The following NOL4 variants were observed in gnomAD, a reference collection of about 807,000 sequenced individuals.
NOL4 encodes the protein cancer/testis antigen 125.
NOL4 carries 17 observed loss-of-function variants against 75.9 expected under a neutral mutation model. The observed-to-expected ratio is 0.22, with a 90% CI of 0.15 to 0.34. The LOEUF (loss-of-function observed/expected upper bound fraction) is 0.34, where lower values mean the gene tolerates loss of function less well. Ranked by LOEUF, NOL4 falls within the 10% of genes least tolerant of loss-of-function variation. The pLI is 1.00. For missense variants in NOL4, 614 were observed against 793.5 expected (o/e 0.77, Z 2.72); for synonymous variants, 292 against 289.9 (o/e 1.01, Z -0.07).
At chr18:34,111,739 C>T (rs1437371431) in intron 2 of NOL4, among the ~76,000 whole-genome samples, 4 of 152,036 alleles carry the variant, frequency 2.6e-5, no homozygotes, top group Middle Eastern at 3.4e-3. Flanking sequence ...GAAAAAATGT[C>T]GAACATCACT....
intron 4 of NOL4, among the ~76,000 whole-genome samples, chr18:34,100,389 C>T (rs2078992159): frequency 6.6e-6 from 1 of 152,112 alleles, no homozygotes; most frequent in South Asian, 2.1e-4. Flanking sequence ...CCCTTCATAG[C>T]AAACTCTTCA....
intron 1 of NOL4, among the ~76,000 whole-genome samples, chr18:34,169,734 A>T (rs1157766196): frequency 6.6e-6 from 1 of 152,160 alleles, no homozygotes; most frequent in Non-Finnish European, 1.5e-5. Context: ...ATTGTCATCC[A>T]TTGTATTAAC....
chr18:34,078,018 A>G (rs1359961760), intron 5 of NOL4, among the ~76,000 whole-genome samples: 1 of 152,302 alleles, frequency 6.6e-6, no homozygotes, highest in Middle Eastern at 3.4e-3. Context: ...TTAATTTTAG[A>G]AATTCACTTT....
rs74672549 is a variant in NOL4 at position 33,918,878 on chromosome 18, T to C, written c.1542+24187A>G. Among the ~76,000 whole-genome samples the C allele has an allele frequency of 2.3e-3, 343 of 152,222 alleles. 9 individuals are homozygous for C. In the East Asian group the frequency reaches 0.046, roughly 21 times the overall value. ...TTCAAGAGCATTCAAATGTAACATT[T>C]TGCAACAACGTTCAGGCCAAATAAA... On this transcript the variant is annotated intron_variant, in intron 9 of 10. Transcript: ENST00000261592.
At chr18:34,022,323 G>A (rs1362335342) in intron 5 of NOL4, among the ~76,000 whole-genome samples, 2 of 151,836 alleles carry the variant, frequency 1.3e-5, no homozygotes, top group Admixed American at 6.6e-5. Context: ...AGAAAGAATT[G>A]ATGTGGAAAG....
chr18:34,199,076 G>A (rs2035543601), intron 1 of NOL4, among the ~76,000 whole-genome samples: 1 of 151,658 alleles, frequency 6.6e-6, no homozygotes, highest in Admixed American at 6.6e-5. Flanking sequence ...ACATAAGTGA[G>A]GGACTTATGG....
intron 9 of NOL4, among the ~76,000 whole-genome samples, chr18:33,932,224 A>T (rs571744457): frequency 9.3e-4 from 141 of 152,106 alleles, no homozygotes; most frequent in Non-Finnish European, 1.2e-3. Flanking sequence ...TTTTATATAT[A>T]TTTTTTAATT....
chr18:34,063,658 T>C (rs571617643), intron 5 of NOL4, among the ~76,000 whole-genome samples: 18 of 152,180 alleles, frequency 1.2e-4, no homozygotes, highest in Admixed American at 7.9e-4. Context: ...CAACCCTCTG[T>C]TGATCTTAAA....
intron 1 of NOL4, among the ~76,000 whole-genome samples, chr18:34,147,575 A>G (rs1017821457): frequency 6.6e-6 from 1 of 151,936 alleles, no homozygotes; most frequent in Non-Finnish European, 1.5e-5. Context: ...GCAACTTGAT[A>G]GTGATGGATT....
Position 34,141,401 on chromosome 18 carries a change from G to A in NOL4, c.265-11381C>T, listed in dbSNP as rs1328189712. Among the ~76,000 whole-genome samples, 5 of 152,266 alleles carry A rather than the reference G, an allele frequency of 3.3e-5. No homozygotes were observed. In the East Asian group the frequency reaches 9.7e-4, roughly 29 times the overall value. On this transcript the variant is annotated intron_variant, in intron 1 of 10. Coordinates refer to ENST00000261592, the MANE Select transcript of NOL4 (RefSeq NM_003787.5). ...GTCAATCCTAAGCCAAAAGAACAAA[G>A]CTGGAGGCATCACACTACCTGACTT...
intron 5 of NOL4, 21 bp from the exon 6 acceptor site, chr18:34,019,622 T>G: frequency 6.3e-7 from 1 of 1,599,158 alleles, no homozygotes; most frequent in Non-Finnish European, 8.5e-7. Context: ...GGAAAAGTTA[T>G]ATTTTGATTT....
chr18:34,055,524 G>A (rs978775060), intron 5 of NOL4, among the ~76,000 whole-genome samples: 20 of 151,936 alleles, frequency 1.3e-4, no homozygotes, highest in Non-Finnish European at 2.6e-4. Context: ...TTCCCTTGCT[G>A]CTTTCACAAC....
At chr18:33,855,366 TA>T (rs2062792147) in intron 10 of NOL4, among the ~76,000 whole-genome samples, 1 of 152,010 alleles carries the variant, frequency 6.6e-6, no homozygotes, top group South Asian at 2.1e-4. Flanking sequence ...CAATTACAAG[TA>T]AAAATTCAAA....
chr18:33,924,943 G>C (rs933642953), intron 9 of NOL4, among the ~76,000 whole-genome samples: 1 of 152,082 alleles, frequency 6.6e-6, no homozygotes, highest in African/African-American at 2.4e-5. Flanking sequence ...GAAAGAGCTA[G>C]GACAGCTGTG....
chr18:34,092,278 A>T (rs1397076473), intron 5 of NOL4, among the ~76,000 whole-genome samples: 3 of 152,184 alleles, frequency 2.0e-5, no homozygotes, highest in Non-Finnish European at 4.4e-5. Context: ...CTTCATTCTT[A>T]TAATATTTCC....
intron 1 of NOL4, among the ~76,000 whole-genome samples, chr18:34,159,246 G>C (rs1359580825): frequency 6.6e-6 from 1 of 152,200 alleles, no homozygotes; most frequent in African/African-American, 2.4e-5. Context: ...CGCGCTCCGC[G>C]AGGGGGAGCA....
intron 2 of NOL4, among the ~76,000 whole-genome samples, chr18:34,126,760 T>C (rs947979517): frequency 6.6e-6 from 1 of 152,224 alleles, no homozygotes; most frequent in African/African-American, 2.4e-5. Context: ...GTTATTTTTA[T>C]AATGCCACAT....
chr18:33,889,804 A>G (rs1599760522), intron 9 of NOL4, among the ~76,000 whole-genome samples: 1 of 152,190 alleles, frequency 6.6e-6, no homozygotes, highest in South Asian at 2.1e-4. Context: ...TTATATCAAT[A>G]GATGCAGAAA....
At chr18:34,151,488 C>T (rs560267430) in intron 1 of NOL4, among the ~76,000 whole-genome samples, 1 of 151,794 alleles carries the variant, frequency 6.6e-6, no homozygotes. Context: ...AAATATCTGA[C>T]CTTCTGGAAG....
Sources: allele counts gnomAD v4.1 joint callset (sites outside exome capture counted in the v4.1 genomes callset), GRCh38; gene constraint gnomAD v4.1.1; transcripts MANE v1.5; gene names NCBI Gene and HGNC (gene_info 2026-07-23, HGNC 2026-07-21).